PRR16: variants seen among roughly 807,000 people sequenced by gnomAD.
PRR16 encodes protein Largen.
In PRR16, 6 loss-of-function variants were observed where a neutral mutation model predicts 18.2. That is an observed-to-expected ratio of 0.33 (90% CI 0.18 to 0.65). The LOEUF is 0.65. Ranked by LOEUF, PRR16 falls within the 30% of genes least tolerant of loss-of-function variation. The pLI is 0.74. For missense variants in PRR16, 412 were observed against 376.6 expected, an observed-to-expected ratio of 1.09 and a Z score of -0.78; for synonymous variants, 151 against 147.8, an observed-to-expected ratio of 1.02 and a Z score of -0.16.
At chr5:120,719,642 C>A in the PRR16 span, among the ~76,000 whole-genome samples, 8 of 151,996 alleles carry the variant, frequency 5.3e-5, no homozygotes, top group Non-Finnish European at 8.8e-5. Flanking sequence ...TGATGAAATG[C>A]ATATGTCCAA....
At chr5:120,744,980 CA>C in the PRR16 span, among the ~76,000 whole-genome samples, 3 of 152,126 alleles carry the variant, frequency 2.0e-5, no homozygotes. Context: ...CTTCAGGTTT[CA>C]AGGAACACCT....
the PRR16 span, among the ~76,000 whole-genome samples, chr5:120,714,090 T>C: frequency 8.5e-5 from 13 of 152,206 alleles, no homozygotes; most frequent in African/African-American, 3.1e-4. Context: ...AGGAAAACAA[T>C]TTCTTCTTTG....
intron 1 of PRR16, among the ~76,000 whole-genome samples, chr5:120,653,313 A>ATT (rs140289724): frequency 2.0e-5 from 3 of 151,686 alleles, no homozygotes; most frequent in African/African-American, 7.3e-5. Flanking sequence ...AAAAAAAAGT[A>ATT]TTTTTTCACT....
chr5:120,520,855 A>G (rs1751151028), intron 1 of PRR16, among the ~76,000 whole-genome samples: 1 of 151,922 alleles, frequency 6.6e-6, no homozygotes, highest in Non-Finnish European at 1.5e-5. Context: ...TGTATTGATT[A>G]TATATTTTCT....
chr5:120,638,125 AGTTTT>A (rs1755301018), intron 1 of PRR16, among the ~76,000 whole-genome samples: 1 of 152,140 alleles, frequency 6.6e-6, no homozygotes, highest in East Asian at 1.9e-4. Flanking sequence ...ACATTTTAAT[AGTTTT>A]GTTCATGAAA....
chr5:120,706,853 T>G, the PRR16 span, among the ~76,000 whole-genome samples: 2 of 152,158 alleles, frequency 1.3e-5, no homozygotes, highest in Admixed American at 6.5e-5. Context: ...TCTAAGCTAT[T>G]GTGGGAAGGA....
the PRR16 span, among the ~76,000 whole-genome samples, chr5:120,755,580 G>A: frequency 6.6e-6 from 1 of 152,084 alleles, no homozygotes; most frequent in Non-Finnish European, 1.5e-5. Flanking sequence ...TTTTATGGCT[G>A]CATAGTATTC....
intron 1 of PRR16, among the ~76,000 whole-genome samples, chr5:120,656,655 G>C (rs1202779535): frequency 1.3e-5 from 2 of 151,808 alleles, no homozygotes; most frequent in Non-Finnish European, 2.9e-5. Flanking sequence ...CTTTTTACCA[G>C]TTTTAAAAAT....
chr5:120,751,551 T>A, the PRR16 span, among the ~76,000 whole-genome samples: 6,978 of 152,148 alleles, frequency 0.046, 571 homozygotes, highest in African/African-American at 0.16. Context: ...CATTTTTTTT[T>A]AATTTTAGCT....
the PRR16 span, among the ~76,000 whole-genome samples, chr5:120,793,303 T>C: frequency 1.3e-5 from 2 of 151,996 alleles, no homozygotes; most frequent in Non-Finnish European, 2.9e-5. Flanking sequence ...GTAGGCATGT[T>C]TAACTCCTGA....
chr5:120,611,396 G>A (rs943830436), intron 1 of PRR16, among the ~76,000 whole-genome samples: 2 of 152,138 alleles, frequency 1.3e-5, no homozygotes, highest in Non-Finnish European at 2.9e-5. Flanking sequence ...CTATGTCAGA[G>A]ACCTTCACAG....
chr5:120,533,097 A>G (rs748168546), intron 1 of PRR16, among the ~76,000 whole-genome samples: 2 of 152,180 alleles, frequency 1.3e-5, no homozygotes, highest in Non-Finnish European at 2.9e-5. Flanking sequence ...TGTCAGATAG[A>G]AGATAATAGG....
At chr5:120,536,336 A>T (rs564042946) in intron 1 of PRR16, among the ~76,000 whole-genome samples, 9 of 152,296 alleles carry the variant, frequency 5.9e-5, no homozygotes, top group African/African-American at 2.2e-4. Flanking sequence ...TCATCTATAA[A>T]CCTCAGCTGC....
chr5:120,770,926 A>ACTCTCTCTCTCTCTCTCTCTCTCTCT, the PRR16 span, among the ~76,000 whole-genome samples: 16 of 131,376 alleles, frequency 1.2e-4, no homozygotes, highest in African/African-American at 4.2e-4. Flanking sequence ...TCATTGGAAC[A>ACTCTCTCTCTCTCTCTCTCTCTCTCT]CTCTCTCTCT....
At chr5:120,748,511 G>C in the PRR16 span, among the ~76,000 whole-genome samples, 2 of 151,886 alleles carry the variant, frequency 1.3e-5, no homozygotes, top group African/African-American at 2.4e-5. Context: ...ATATGGAATA[G>C]TGAAAAAAAC....
chr5:120,772,813 T>C, the PRR16 span, among the ~76,000 whole-genome samples: 17 of 152,236 alleles, frequency 1.1e-4, no homozygotes, highest in East Asian at 3.3e-3. Flanking sequence ...TTTGTTTTAA[T>C]AGCATAACCC....
chr5:120,644,577 A>G lies in PRR16; in HGVS notation c.160-41377A>G, dbSNP rs1165710228. On this transcript the variant is annotated intron_variant, in intron 1 of 1. Transcript: ENST00000407149. The stretch of plus-strand genomic sequence containing the variant: ...GCTTTTACACCTGAGTCAACAGAAA[A>G]CTGAATCACATTTATATTTCCACTC... Among the ~76,000 whole-genome samples, 3 of 152,100 alleles carry G rather than the reference A, an allele frequency of 2.0e-5. No individual in the cohort carries two copies. The East Asian group carries it at 5.8e-4, about 29-fold the overall frequency.
chr5:120,700,422 C>T, the PRR16 span, among the ~76,000 whole-genome samples: 49,241 of 151,420 alleles, frequency 0.33, 9,258 homozygotes, highest in East Asian at 0.79. Flanking sequence ...AGAGGTATCT[C>T]ATACTTGTGG....
chr5:120,526,644 A>G (rs1292200991), intron 1 of PRR16, among the ~76,000 whole-genome samples: 3 of 152,174 alleles, frequency 2.0e-5, no homozygotes, highest in Admixed American at 6.5e-5. Flanking sequence ...ACAAAATAAT[A>G]TTGTCTGGAA....
Sources: gnomAD v4.1 joint callset for allele counts (sites outside exome capture counted in the v4.1 genomes callset) on GRCh38, gnomAD v4.1.1 for gene constraint, MANE v1.5 for transcripts, NCBI Gene and HGNC (gene_info 2026-07-23, HGNC 2026-07-21) for gene names.